GRM7: variants seen among roughly 807,000 people sequenced by gnomAD.
GRM7 encodes metabotropic glutamate receptor 7.
In GRM7, 35 loss-of-function variants were observed where a neutral mutation model predicts 84.5. The observed-to-expected ratio is 0.41, with a 90% CI of 0.32 to 0.55. The LOEUF (loss-of-function observed/expected upper bound fraction) is 0.55. Among genes scored for constraint, GRM7 ranks in the 20% least tolerant of loss-of-function variants. The probability of loss-of-function intolerance (pLI) is 0.19; values close to 1 mark genes in which losing one functional copy is unlikely to be tolerated. For synonymous variants in GRM7, 487 were observed against 455.1 expected, an observed-to-expected ratio of 1.07 and a Z score of -0.89; for missense variants, 1,003 against 1,194.6, an observed-to-expected ratio of 0.84 and a Z score of 2.36.
chr3:6,864,227 C>G (rs1366824127), intron 1 of GRM7, among the ~76,000 whole-genome samples: 2 of 152,138 alleles, frequency 1.3e-5, no homozygotes, highest in African/African-American at 2.4e-5. Flanking sequence ...GGAGAAGAGG[C>G]TGGTAGTCTG....
At chr3:7,140,157 A>G (rs1459221094) in intron 1 of GRM7, among the ~76,000 whole-genome samples, 1 of 151,822 alleles carries the variant, frequency 6.6e-6, no homozygotes, top group Non-Finnish European at 1.5e-5. Flanking sequence ...TATAAGAAGC[A>G]TTGGTGAGGA....
At chr3:7,383,433 T>C (rs1015985572) in intron 4 of GRM7, among the ~76,000 whole-genome samples, 4 of 152,294 alleles carry the variant, frequency 2.6e-5, no homozygotes, top group African/African-American at 4.8e-5. Context: ...AAAATGAAAC[T>C]TGTAGAGCAG....
intron 7 of GRM7, among the ~76,000 whole-genome samples, chr3:7,519,575 A>C (rs1404107377): frequency 6.6e-6 from 1 of 152,200 alleles, no homozygotes; most frequent in Non-Finnish European, 1.5e-5. Flanking sequence ...GATAATTCCA[A>C]GTTAACAACG....
In GRM7 at chr3:7,325,920, C is replaced by T. The variant is rs548194029; in HGVS notation, c.1033+19268C>T. 1.0e-3 allele frequency among the ~76,000 whole-genome samples: 152 copies of T among 152,102 alleles called. 2 individuals are homozygous for T. Among genetic ancestry groups the T allele is most frequent in the African/African-American group, 3.4e-3 (143 of 41,504 alleles). On this transcript the variant is annotated intron_variant, in intron 4 of 9. Coordinates refer to ENST00000357716, the MANE Select transcript of GRM7 (RefSeq NM_000844.4). Reference sequence around the variant, plus strand: ...ATGCATGCCTACATCAGATCATGAGCGAGAAACAGCACCAAAGCCAGACCT... The same window carrying T: ...ATGCATGCCTACATCAGATCATGAGTGAGAAACAGCACCAAAGCCAGACCT...
chr3:6,969,131 A>G (rs1693640388), intron 1 of GRM7, among the ~76,000 whole-genome samples: 1 of 151,982 alleles, frequency 6.6e-6, no homozygotes, highest in African/African-American at 2.4e-5. Flanking sequence ...AAAAACTACC[A>G]GCACATCCTT....
At chr3:7,287,144 T>C (rs1699459622) in intron 2 of GRM7, among the ~76,000 whole-genome samples, 1 of 152,154 alleles carries the variant, frequency 6.6e-6, no homozygotes, top group Non-Finnish European at 1.5e-5. Context: ...GCCAGTAAGC[T>C]CACATCTATT....
chr3:6,955,719 G>C (rs965325935), intron 1 of GRM7, among the ~76,000 whole-genome samples: 3 of 151,736 alleles, frequency 2.0e-5, no homozygotes, highest in Admixed American at 2.0e-4. Flanking sequence ...GCACATGGCT[G>C]TAATCCCAGC....
rs774494148 is a variant in GRM7 at position 6,861,459 on chromosome 3, T to C, written c.71T>C (p.Leu24Pro). ...TTCCCCTGCTGCGTGCTGGAGGTGC[T>C]CCTGTGCGCGCTGGCGGCGGCGGCG... The part of the protein sequence containing the change: ...MKFPCCVLEV[L>P]LCALAAAARG... The change falls in exon 1 of 10, where the codon CTC (leucine) becomes CCC (proline). Residue 24 changes from leucine (L) to proline (P), a missense_variant. Around this residue, in one of 2 missense-constraint regions of GRM7, gnomAD observed 93 missense variants for 68.6 expected, o/e 1.36. Transcript: ENST00000357716. This position sits in a 1 kb window ranked among gnomAD's most constrained non-coding sequence, Gnocchi z 6.4. The C allele has an allele frequency of 6.4e-7, 1 of 1,553,566 alleles. No homozygotes were observed. Among genetic ancestry groups the C allele is most frequent in the Non-Finnish European group, 8.7e-7 (1 of 1,148,150 alleles).
intron 8 of GRM7, among the ~76,000 whole-genome samples, chr3:7,632,333 C>CTCTTGTGTGATGGTGCTTTG (rs1697893602): frequency 6.6e-6 from 1 of 152,126 alleles, no homozygotes; most frequent in South Asian, 2.1e-4. Flanking sequence ...TATTCTCAGT[C>CTCTTGTGTGATGGTGCTTTG]TCTTGTGTGA....
chr3:7,451,673 A>G (rs1380897777), intron 5 of GRM7: 1 of 152,206 alleles, frequency 6.6e-6, no homozygotes, highest in African/African-American at 2.4e-5. Flanking sequence ...TATAAGGCTC[A>G]GCTTTCCCAC....
chr3:7,077,241 A>G (rs1305719450), intron 1 of GRM7, among the ~76,000 whole-genome samples: 1 of 152,242 alleles, frequency 6.6e-6, no homozygotes, highest in Non-Finnish European at 1.5e-5. Context: ...CCAAAGGATT[A>G]TAAATCATTC....
chr3:7,052,491 G>C (rs537458190), intron 1 of GRM7, among the ~76,000 whole-genome samples: 2 of 151,634 alleles, frequency 1.3e-5, no homozygotes, highest in South Asian at 2.1e-4. Flanking sequence ...AATCAAGATA[G>C]AGAACTCTTC....
chr3:7,399,462 G>A (rs1004078464), intron 4 of GRM7, among the ~76,000 whole-genome samples: 13 of 152,028 alleles, frequency 8.6e-5, no homozygotes, highest in Non-Finnish European at 1.6e-4. Context: ...CATTTCCTCC[G>A]GTAATGAGCA....
intron 1 of GRM7, among the ~76,000 whole-genome samples, chr3:6,953,634 C>T (rs1311963832): frequency 2.0e-5 from 3 of 152,168 alleles, no homozygotes; most frequent in African/African-American, 7.2e-5. Flanking sequence ...ATAGCACAAT[C>T]CCCACATTTG....
At chr3:7,533,507 G>C (rs942954878) in intron 7 of GRM7, among the ~76,000 whole-genome samples, 1 of 152,184 alleles carries the variant, frequency 6.6e-6, no homozygotes, top group East Asian at 1.9e-4. Flanking sequence ...AGTGTTTAGA[G>C]GATGTTAGGT....
chr3:7,527,677 G>A (rs966056164), intron 7 of GRM7, among the ~76,000 whole-genome samples: 2 of 151,930 alleles, frequency 1.3e-5, no homozygotes, highest in Non-Finnish European at 2.9e-5. Flanking sequence ...TGTCATAAAT[G>A]ACTCATTATT....
chr3:7,345,344 G>A (rs1011029943), intron 4 of GRM7, among the ~76,000 whole-genome samples: 12 of 150,920 alleles, frequency 8.0e-5, no homozygotes, highest in African/African-American at 2.4e-4. Context: ...GTGGGATTTC[G>A]GCTCACTGCA....
intron 1 of GRM7, among the ~76,000 whole-genome samples, chr3:6,938,490 A>G (rs1697770531): frequency 6.6e-6 from 1 of 152,154 alleles, no homozygotes; most frequent in African/African-American, 2.4e-5. Context: ...TGGCTTGACA[A>G]ATATATCTTG....
chr3:7,077,969 T>A (rs959923490), intron 1 of GRM7, among the ~76,000 whole-genome samples: 1 of 149,990 alleles, frequency 6.7e-6, no homozygotes, highest in African/African-American at 2.4e-5. Flanking sequence ...TAGTAGGCTT[T>A]GCTGGCCACA....
Sources: allele counts gnomAD v4.1 joint callset (sites outside exome capture counted in the v4.1 genomes callset), GRCh38; gene constraint gnomAD v4.1.1; regional missense constraint gnomAD v4.1.1; non-coding constraint Gnocchi (gnomAD v3.1); transcripts MANE v1.5; gene names NCBI Gene and HGNC (gene_info 2026-07-23, HGNC 2026-07-21).